HS6ST3: variants seen among roughly 807,000 people sequenced by gnomAD.
HS6ST3 encodes heparan sulfate 6-O-sulfotransferase 3, also known as heparan-sulfate 6-O-sulfotransferase 3.
A neutral mutation model predicts 36.7 loss-of-function variants in HS6ST3; 12 were observed. That is an observed-to-expected ratio of 0.33 (90% CI 0.21 to 0.53). The LOEUF (loss-of-function observed/expected upper bound fraction) is 0.53. Ranked by LOEUF, HS6ST3 falls within the 20% of genes least tolerant of loss-of-function variation. The pLI is 0.95. For synonymous variants in HS6ST3, 240 were observed against 257.5 expected, an observed-to-expected ratio of 0.93 and a Z score of 0.65; for missense variants, 584 against 640.9, an observed-to-expected ratio of 0.91 and a Z score of 0.96.
rs76642761 is a variant in HS6ST3 at position 96,352,425 on chromosome 13, G to A, written c.707+260856G>A. ...GGCAGTAGGTGTCAGTTCCTTCCCT[G>A]TGGGCCTTTCCAGAGGCCACTCAAG... is the stretch of plus-strand genomic sequence containing the variant. On this transcript the variant is annotated intron_variant, in intron 1 of 1. Transcript: ENST00000376705. Among the ~76,000 whole-genome samples, 18 of 152,244 alleles carry A rather than the reference G, an allele frequency of 1.2e-4. No individual in the cohort carries two copies. The East Asian group carries it at 3.5e-3, about 29-fold the overall frequency.
intron 1 of HS6ST3, among the ~76,000 whole-genome samples, chr13:96,690,500 C>T (rs947117430): frequency 1.3e-5 from 2 of 151,970 alleles, no homozygotes. Flanking sequence ...TAGTATGTGC[C>T]CCAGGACCTG....
At chr13:96,595,833 T>A (rs914926789) in intron 1 of HS6ST3, among the ~76,000 whole-genome samples, 15 of 152,182 alleles carry the variant, frequency 9.9e-5, no homozygotes, top group Non-Finnish European at 2.1e-4. Context: ...TGCATTTTTT[T>A]AATTTCTTTT....
intron 1 of HS6ST3, among the ~76,000 whole-genome samples, chr13:96,556,251 G>A: frequency 6.6e-6 from 1 of 152,152 alleles, no homozygotes; most frequent in East Asian, 1.9e-4. Flanking sequence ...GAGGGGCCTG[G>A]TTGTTCATAA....
At chr13:96,161,789 G>A (rs1292871043) in intron 1 of HS6ST3, among the ~76,000 whole-genome samples, 1 of 152,102 alleles carries the variant, frequency 6.6e-6, no homozygotes, top group Non-Finnish European at 1.5e-5. Context: ...GAGCAGAAGC[G>A]AAATTTTTCT....
chr13:96,489,766 C>T (rs2138904680), intron 1 of HS6ST3, among the ~76,000 whole-genome samples: 1 of 152,234 alleles, frequency 6.6e-6, no homozygotes, highest in African/African-American at 2.4e-5. Context: ...CATGCACACA[C>T]ATGCACTCTT....
At chr13:96,330,666 G>A (rs2055061112) in intron 1 of HS6ST3, among the ~76,000 whole-genome samples, 3 of 145,354 alleles carry the variant, frequency 2.1e-5, no homozygotes, top group Admixed American at 1.4e-4. Flanking sequence ...GTGTCTTGGA[G>A]TTGCTCTTCT....
chr13:96,130,738 A>G (rs2053971517), intron 1 of HS6ST3, among the ~76,000 whole-genome samples: 1 of 152,134 alleles, frequency 6.6e-6, no homozygotes, highest in Non-Finnish European at 1.5e-5. Context: ...CTAGTATTGC[A>G]TTAAAAACTG....
At chr13:96,136,833 T>C (rs760232808) in intron 1 of HS6ST3, among the ~76,000 whole-genome samples, 3 of 151,992 alleles carry the variant, frequency 2.0e-5, no homozygotes, top group Admixed American at 2.0e-4. Context: ...TTTACTTATT[T>C]TGATAGAAGA....
chr13:96,624,646 T>C (rs949098270), intron 1 of HS6ST3, among the ~76,000 whole-genome samples: 3 of 152,200 alleles, frequency 2.0e-5, no homozygotes, highest in South Asian at 4.2e-4. Context: ...TCCATCTTTA[T>C]ATCTATGTAT....
intron 1 of HS6ST3, among the ~76,000 whole-genome samples, chr13:96,791,203 C>G (rs565608998): frequency 1.3e-5 from 2 of 152,126 alleles, no homozygotes; most frequent in East Asian, 3.9e-4. Flanking sequence ...TGAATCTTGA[C>G]GAACCTCTAT....
intron 1 of HS6ST3, among the ~76,000 whole-genome samples, chr13:96,397,804 T>G (rs1158429906): frequency 6.6e-6 from 1 of 152,322 alleles, no homozygotes; most frequent in African/African-American, 2.4e-5. Flanking sequence ...GCACTTACAG[T>G]GTGTGAAGAG....
intron 1 of HS6ST3, among the ~76,000 whole-genome samples, chr13:96,560,204 T>C (rs994474439): frequency 6.6e-6 from 1 of 152,240 alleles, no homozygotes. Context: ...TTCAAAGATG[T>C]ACATTGTGCT....
chr13:96,097,663 TTGA>T (rs2053798000), intron 1 of HS6ST3, among the ~76,000 whole-genome samples: 1 of 152,238 alleles, frequency 6.6e-6, no homozygotes, highest in South Asian at 2.1e-4. Context: ...AAATTCCCTG[TTGA>T]TTTTAATTAG....
intron 1 of HS6ST3, among the ~76,000 whole-genome samples, chr13:96,169,236 G>T (rs903324185): frequency 6.9e-6 from 1 of 144,672 alleles, no homozygotes; most frequent in Admixed American, 7.1e-5. Flanking sequence ...TTTTGACTGG[G>T]AGTTTCTCAT....
rs574719152 is a variant in HS6ST3, at chr13:96,299,851, A to G, written c.707+208282A>G. 9.9e-5 allele frequency among the ~76,000 whole-genome samples: 15 copies of G among 152,188 alleles called. 2 individuals carry two copies. The highest frequency in any genetic ancestry group is 3.6e-4 in the African/African-American group (15 of 41,540). On this transcript the variant is annotated intron_variant, in intron 1 of 1. Transcript: ENST00000376705. ...ACAAGTTATATTAGCCTATTCTCAC[A>G]CTACTAAAAAGAACTACTGGAGACT...
At chr13:96,435,712 C>T (rs2055638355) in intron 1 of HS6ST3, among the ~76,000 whole-genome samples, 1 of 152,152 alleles carries the variant, frequency 6.6e-6, no homozygotes, top group Admixed American at 6.5e-5. Flanking sequence ...TCCTTTCCCT[C>T]AACCTGTTAA....
chr13:96,132,669 G>A (rs985710772), intron 1 of HS6ST3, among the ~76,000 whole-genome samples: 4 of 152,088 alleles, frequency 2.6e-5, no homozygotes, highest in African/African-American at 4.8e-5. Context: ...GCCTCCCAAA[G>A]TGCTGGGATT....
intron 1 of HS6ST3, among the ~76,000 whole-genome samples, chr13:96,349,502 GA>G (rs2055171821): frequency 6.6e-6 from 1 of 152,130 alleles, no homozygotes; most frequent in African/African-American, 2.4e-5. Context: ...CACCTTCTGA[GA>G]AAGGAAACAT....
chr13:96,402,249 C>T (rs1305153740), intron 1 of HS6ST3, among the ~76,000 whole-genome samples: 10 of 152,074 alleles, frequency 6.6e-5, no homozygotes, highest in Admixed American at 5.9e-4. Flanking sequence ...TTATTTAGCT[C>T]CTCAGATTCT....
Sources: gnomAD v4.1 joint callset for allele counts (sites outside exome capture counted in the v4.1 genomes callset) on GRCh38, gnomAD v4.1.1 for gene constraint, MANE v1.5 for transcripts, NCBI Gene and HGNC (gene_info 2026-07-23, HGNC 2026-07-21) for gene names.